HDAC9: variants seen among roughly 807,000 people sequenced by gnomAD.
The protein encoded by HDAC9 is histone deacetylase 9.
HDAC9 carries 41 observed loss-of-function variants against 139.4 expected under a neutral mutation model. The ratio of observed to expected loss-of-function variants is 0.29; its 90% CI spans 0.23 to 0.38. The LOEUF (loss-of-function observed/expected upper bound fraction) is 0.38. Ranked by LOEUF, HDAC9 falls within the 10% of genes least tolerant of loss-of-function variation. The pLI, the probability that HDAC9 is intolerant of heterozygous loss-of-function variation, is 1.00. For synonymous variants in HDAC9, 517 were observed against 476.2 expected (o/e 1.09, Z -1.12); for missense variants, 1,147 against 1,297.0 (o/e 0.88, Z 1.78).
intron 2 of HDAC9, among the ~76,000 whole-genome samples, chr7:18,548,655 TATAA>T (rs1397756464): frequency 6.6e-6 from 1 of 152,128 alleles, no homozygotes; most frequent in African/African-American, 2.4e-5. Context: ...ATCTAAAATG[TATAA>T]ATAACTCAAC....
rs1562802142 is a variant in HDAC9 at position 18,257,438 on chromosome 7, A to ACACACAC, written c.25+95089_25+95090insCACACAC. On this transcript the variant is annotated intron_variant, in intron 2 of 12. Coordinates refer to the HDAC9 transcript ENST00000417496. ...ACACACACACACACACACACACACA[A>ACACACAC]AAAGAAAAAAAGAAAAAGTAGCATA... is the stretch of plus-strand genomic sequence containing the variant. Among the ~76,000 whole-genome samples the ACACACAC allele has an allele frequency of 1.6e-3, 218 of 132,566 alleles. 2 individuals are homozygous for ACACACAC. Among genetic ancestry groups the ACACACAC allele is most frequent in the African/African-American group, 5.2e-3 (187 of 35,732 alleles). The allele number at this position is 132,566 out of a possible 152,430, so 87.0% of individuals were successfully genotyped here.
intron 15 of HDAC9, 64 bp from the exon 16 acceptor site, chr7:18,767,042 C>T: frequency 2.7e-6 from 2 of 748,888 alleles, no homozygotes; most frequent in South Asian, 2.1e-5. Flanking sequence ...TTAATAAATG[C>T]CAACATTTTA....
intron 4 of HDAC9, among the ~76,000 whole-genome samples, chr7:18,591,213 C>G (rs760590595): frequency 4.6e-5 from 7 of 152,010 alleles, no homozygotes; most frequent in Non-Finnish European, 1.0e-4. Flanking sequence ...ATTTTTTAAA[C>G]TTAAAAAAGT....
chr7:18,617,590 A>G (rs1465487629), intron 6 of HDAC9, among the ~76,000 whole-genome samples: 3 of 152,252 alleles, frequency 2.0e-5, no homozygotes, highest in East Asian at 3.9e-4. Flanking sequence ...AGGCCACCCC[A>G]GATAGTCACT....
intron 11 of HDAC9, 90 bp downstream of exon 11, chr7:18,648,773 G>A: frequency 9.2e-7 from 1 of 1,092,668 alleles, no homozygotes; most frequent in Admixed American, 2.0e-5. Context: ...GAGGAATGTT[G>A]ATGGGAGTCA....
At chr7:18,100,813 A>G (rs1201361632) in intron 1 of HDAC9, among the ~76,000 whole-genome samples, 1 of 152,106 alleles carries the variant, frequency 6.6e-6, no homozygotes, top group African/African-American at 2.4e-5. Flanking sequence ...GATGCCAGAC[A>G]TCGTGAATTG....
intron 2 of HDAC9, among the ~76,000 whole-genome samples, chr7:18,237,646 G>A (rs757154559): frequency 2.6e-5 from 4 of 152,098 alleles, no homozygotes; most frequent in South Asian, 2.1e-4. Context: ...AAGGAAGAAC[G>A]GATGAAGTAC....
Position 18,533,377 on chromosome 7 carries a change from C to T in HDAC9, c.22+37053C>T, listed in dbSNP as rs10223954. Among the ~76,000 whole-genome samples the T allele has an allele frequency of 3.7e-3, 558 of 151,900 alleles. 3 individuals carry two copies. The highest frequency in any genetic ancestry group is 0.013 in the African/African-American group (529 of 41,444). On this transcript the variant is annotated intron_variant, in intron 2 of 25. Transcript: ENST00000686413. ...TCTTGGATTCTTGTAGCTTCTTTGTCGGTTTTATTTTTGTTTTAATTTTCA... is the reference window on the plus strand; with the variant it reads ...TCTTGGATTCTTGTAGCTTCTTTGTTGGTTTTATTTTTGTTTTAATTTTCA...
At chr7:18,138,689 A>C (rs1785649957) in intron 1 of HDAC9, among the ~76,000 whole-genome samples, 1 of 152,078 alleles carries the variant, frequency 6.6e-6, no homozygotes, top group South Asian at 2.1e-4. Context: ...CCAGCCAAAA[A>C]ATTAGGGGCT....
intron 25 of HDAC9, among the ~76,000 whole-genome samples, chr7:18,978,592 AAAC>A (rs981188408): frequency 6.6e-6 from 1 of 152,172 alleles, no homozygotes; most frequent in Non-Finnish European, 1.5e-5. Flanking sequence ...CAACAAAACA[AAAC>A]AACACAAAAA....
At chr7:18,381,531 A>T (rs1202754316) in intron 1 of HDAC9, among the ~76,000 whole-genome samples, 1 of 152,106 alleles carries the variant, frequency 6.6e-6, no homozygotes, top group East Asian at 1.9e-4. Flanking sequence ...AATAGTGGCA[A>T]TGATGGGATA....
chr7:18,933,130 G>A (rs1447887567), intron 22 of HDAC9, among the ~76,000 whole-genome samples: 3 of 152,102 alleles, frequency 2.0e-5, no homozygotes, highest in African/African-American at 4.8e-5. Flanking sequence ...ATCAAAATAC[G>A]ATAGACTGAT....
intron 22 of HDAC9, among the ~76,000 whole-genome samples, chr7:18,912,782 C>CA (rs1802854091): frequency 6.6e-6 from 1 of 152,010 alleles, no homozygotes; most frequent in South Asian, 2.1e-4. Context: ...AGGATTCTAA[C>CA]AAAAAATTAG....
rs775874685 is a variant in HDAC9 at position 18,396,079 on chromosome 7, ATTCCCTTCCC to A, written c.-41-100140_-41-100131del. On this transcript the variant is annotated intron_variant, in intron 1 of 3. Transcript: ENST00000413509. ...TCCTGCCAATGACTCTCAAAGTGTC[ATTCCCTTCCC>A]TTCCCTTCCCTTCCCTTCCCTTCCC... 6.0e-3 allele frequency among the ~76,000 whole-genome samples: 280 copies of A among 46,510 alleles called. 4 individuals are homozygous for A. The highest frequency in any genetic ancestry group is 0.016 in the African/African-American group (260 of 16,382). 30.5% of individuals were successfully genotyped at this position (46,510 alleles called of 152,430 possible).
intron 2 of HDAC9, among the ~76,000 whole-genome samples, chr7:18,559,500 A>G (rs1445497549): frequency 6.6e-6 from 1 of 152,192 alleles, no homozygotes; most frequent in Non-Finnish European, 1.5e-5. Context: ...AGCAAGCCTG[A>G]ACCATCCCTG....
intron 2 of HDAC9, among the ~76,000 whole-genome samples, chr7:18,561,243 C>A (rs1038473015): frequency 2.0e-5 from 3 of 152,126 alleles, no homozygotes; most frequent in East Asian, 1.9e-4. Flanking sequence ...TTAAATGTAA[C>A]CTGAACGGCT....
At chr7:18,439,702 G>T (rs535045792) in intron 1 of HDAC9, among the ~76,000 whole-genome samples, 32 of 152,268 alleles carry the variant, frequency 2.1e-4, no homozygotes, top group Admixed American at 1.7e-3. Flanking sequence ...ACACAAGATT[G>T]AAAGTATCAG....
At chr7:18,952,048 T>C (rs527709044) in intron 23 of HDAC9, among the ~76,000 whole-genome samples, 1 of 152,106 alleles carries the variant, frequency 6.6e-6, no homozygotes, top group East Asian at 1.9e-4. Flanking sequence ...TCTGTCTGTA[T>C]GTATACACTC....
intron 1 of HDAC9, among the ~76,000 whole-genome samples, chr7:18,435,824 G>T (rs1322401848): frequency 6.6e-6 from 1 of 150,896 alleles, no homozygotes; most frequent in African/African-American, 2.4e-5. Flanking sequence ...CATATGTCTA[G>T]ACATGGAAAG....
Sources: allele counts gnomAD v4.1 joint callset (sites outside exome capture counted in the v4.1 genomes callset), GRCh38; gene constraint gnomAD v4.1.1; transcripts MANE v1.5; gene names NCBI Gene and HGNC (gene_info 2026-07-23, HGNC 2026-07-21).